MAF: variants seen among roughly 807,000 people sequenced by gnomAD.
MAF encodes the protein transcription factor Maf.
In MAF, 10 loss-of-function variants were observed where a neutral mutation model predicts 22.0. That is an observed-to-expected ratio of 0.45 (90% CI 0.28 to 0.77). MAF has a LOEUF of 0.77. Ranked by LOEUF, MAF falls within the 30% of genes least tolerant of loss-of-function variation. The pLI is 0.12. For synonymous variants in MAF, 337 were observed against 255.8 expected, an observed-to-expected ratio of 1.32 and a Z score of -3.03; for missense variants, 544 against 548.4, an observed-to-expected ratio of 0.99 and a Z score of 0.08.
At chr16:79,517,719 C>T in the MAF span, among the ~76,000 whole-genome samples, 2 of 152,004 alleles carry the variant, frequency 1.3e-5, no homozygotes, top group Non-Finnish European at 2.9e-5. Context: ...GGATTACAGG[C>T]ACCCGCCATC....
chr16:79,249,053 T>C, the MAF span, among the ~76,000 whole-genome samples: 16 of 152,158 alleles, frequency 1.1e-4, no homozygotes, highest in South Asian at 2.1e-4. Context: ...TGCAATAGTA[T>C]TGAGAGACAG....
chr16:79,282,838 C>T, the MAF span, among the ~76,000 whole-genome samples: 1 of 152,168 alleles, frequency 6.6e-6, no homozygotes. Flanking sequence ...AACTACAAAG[C>T]TAGTCTCAGG....
At chr16:79,246,490 A>G in the MAF span, among the ~76,000 whole-genome samples, 1 of 133,842 alleles carries the variant, frequency 7.5e-6, no homozygotes, top group Non-Finnish European at 1.5e-5. Flanking sequence ...CTGTAAAACA[A>G]AATTTGAGTT....
the MAF span, among the ~76,000 whole-genome samples, chr16:79,475,773 G>A: frequency 2.0e-5 from 3 of 152,178 alleles, no homozygotes; most frequent in Non-Finnish European, 4.4e-5. Flanking sequence ...AAGAATGGCA[G>A]AATGACAACC....
the MAF span, among the ~76,000 whole-genome samples, chr16:79,297,556 TC>T: frequency 6.6e-6 from 1 of 152,164 alleles, no homozygotes; most frequent in Non-Finnish European, 1.5e-5. Context: ...AACTTCAGCT[TC>T]CCCGGCTATA....
At chr16:79,569,601 G>A in the MAF span, among the ~76,000 whole-genome samples, 2 of 152,192 alleles carry the variant, frequency 1.3e-5, no homozygotes, top group Non-Finnish European at 2.9e-5. Context: ...GCCATGCAAT[G>A]TGTGATTCTG....
the MAF span, among the ~76,000 whole-genome samples, chr16:79,482,903 T>A: frequency 0.16 from 12,359 of 78,970 alleles, 1,116 homozygotes; most frequent in East Asian, 0.44. Context: ...CTTCCCTCCC[T>A]ACCTCCTTCC....
chr16:79,471,246 C>CT, the MAF span, among the ~76,000 whole-genome samples: 1 of 152,212 alleles, frequency 6.6e-6, no homozygotes, highest in Admixed American at 6.5e-5. Flanking sequence ...AATCTGCTTA[C>CT]TTTTTTCCTT....
the MAF span, among the ~76,000 whole-genome samples, chr16:79,400,949 T>G: frequency 6.6e-5 from 10 of 152,336 alleles, no homozygotes; most frequent in Non-Finnish European, 1.0e-4. Context: ...GGGAGAGGCA[T>G]GATAAACACA....
chr16:79,583,965 G>C (rs561425308), downstream of MAF, among the ~76,000 whole-genome samples: 16 of 152,314 alleles, frequency 1.1e-4, no homozygotes, highest in Admixed American at 8.5e-4. Context: ...CGTATGTTAA[G>C]CTGTAACATG....
At chr16:79,207,393 A>C in the MAF span, among the ~76,000 whole-genome samples, 1 of 152,254 alleles carries the variant, frequency 6.6e-6, no homozygotes, top group Non-Finnish European at 1.5e-5. Context: ...GACGTTAGTC[A>C]TGGGAACACT....
At chr16:79,417,976 G>C in the MAF span, among the ~76,000 whole-genome samples, 2 of 152,280 alleles carry the variant, frequency 1.3e-5, no homozygotes, top group African/African-American at 4.8e-5. Flanking sequence ...GCCTATGTGT[G>C]AGTGTTTTCC....
At chr16:79,233,717 G>C in the MAF span, among the ~76,000 whole-genome samples, 3 of 151,990 alleles carry the variant, frequency 2.0e-5, no homozygotes, top group South Asian at 2.1e-4. Flanking sequence ...TATATAGCTG[G>C]GCACAGTGGC....
Position 79,599,302 on chromosome 16 carries a change from C to G in MAF, c.601G>C (p.Gly201Arg). The G allele has an allele frequency of 4.1e-6, 4 of 981,056 alleles. No individual in the cohort carries two copies. Among genetic ancestry groups the G allele is most frequent in the Non-Finnish European group, 4.8e-6 (4 of 828,784 alleles). The allele number at this position is 981,056 out of a possible 1,614,324, so 60.8% of individuals were successfully genotyped here. A position where few individuals can be genotyped will look rare whatever the true frequency, so the allele number is the denominator to read the frequency against. ...GAGGCGGCCGCGCTGCCCGCGGCGC[C>G]GGGCGCGCCGGCCGTCGGGTGGTGG... is the stretch of plus-strand genomic sequence containing the variant. ...HHHHPTAGAP[G>R]AAGSAAASAG... The change falls in exon 1 of 2, where the codon GGC becomes CGC. Residue 201 changes from glycine to arginine, a missense_variant. Around this residue, in one of 5 missense-constraint regions of MAF, gnomAD observed 342 missense variants for 315.5 expected, o/e 1.08. Coordinates refer to ENST00000326043, the MANE Select transcript of MAF (RefSeq NM_005360.5).
chr16:79,484,315 C>T, the MAF span, among the ~76,000 whole-genome samples: 1 of 152,194 alleles, frequency 6.6e-6, no homozygotes, highest in African/African-American at 2.4e-5. Context: ...TGCCTCCCAA[C>T]TTGGATTTCG....
the MAF span, among the ~76,000 whole-genome samples, chr16:79,439,279 T>G: frequency 6.8e-6 from 1 of 147,032 alleles, no homozygotes; most frequent in Admixed American, 6.9e-5. Context: ...TTTTTTTTTT[T>G]GAGACGGAGT....
At chr16:79,453,789 C>G in the MAF span, among the ~76,000 whole-genome samples, 3 of 152,196 alleles carry the variant, frequency 2.0e-5, no homozygotes, top group Non-Finnish European at 1.5e-5. Flanking sequence ...TTATTGGAGA[C>G]TGGCTTTGAC....
At chr16:79,300,757 G>A in the MAF span, among the ~76,000 whole-genome samples, 1 of 149,908 alleles carries the variant, frequency 6.7e-6, no homozygotes, top group Non-Finnish European at 1.5e-5. Context: ...TTTATTATAT[G>A]TTATCTATGT....
the MAF span, chr16:79,212,245 T>C: frequency 6.7e-6 from 9 of 1,337,442 alleles, no homozygotes; most frequent in Admixed American, 1.1e-4. Context: ...GCTGCATTGA[T>C]CCAGGAGATA....
Sources: gnomAD v4.1 joint callset for allele counts (sites outside exome capture counted in the v4.1 genomes callset) on GRCh38, gnomAD v4.1.1 for gene constraint, gnomAD v4.1.1 regional missense constraint, MANE v1.5 for transcripts, NCBI Gene and HGNC (gene_info 2026-07-23, HGNC 2026-07-21) for gene names.